PCSK7: variants seen among roughly 807,000 people sequenced by gnomAD.
PCSK7 encodes lymphoma proprotein convertase.
Under a neutral mutation model 73.3 loss-of-function variants are expected in PCSK7, and 38 were observed. That is an observed-to-expected ratio of 0.52 (90% confidence interval 0.40 to 0.68). The LOEUF (loss-of-function observed/expected upper bound fraction) is 0.68, where lower values mean the gene tolerates loss of function less well. PCSK7 is among the 30% of genes least tolerant of loss of function. PCSK7 has a pLI of 0.00. For missense variants in PCSK7, 692 were observed against 991.5 expected (o/e 0.70, Z 4.06); for synonymous variants, 296 against 383.8 (o/e 0.77, Z 2.68).
Position 117,219,072 on chromosome 11 carries a change from G to A in PCSK7, c.1416C>T (p.Leu472=), listed in dbSNP as rs376670991. The change falls in exon 11 of 17, where the codon CTC becomes CTT. Residue 472 remains leucine, a synonymous_variant. Transcript: ENST00000320934. ...ACCTGTTCACCTTGGCTGCATTCAC[G>A]AGCCTCCAGGCGTTGAGGAGGCCGA... ...HGFGLLNAWR[L]VNAAKIWTSV... is the part of the protein sequence containing the mutation. 39 of 1,608,190 alleles carry A rather than the reference G, an allele frequency of 2.4e-5. No homozygotes were observed. The African/African-American group carries it at 2.7e-4, about 11-fold the overall frequency.
At chr11:117,224,866 C>T (rs1565315891) in intron 6 of PCSK7, 111 bp from the exon 7 acceptor site, 1 of 783,336 alleles carries the variant, frequency 1.3e-6, no homozygotes. Context: ...CTTAACTCCT[C>T]CCAAGGGTTC....
At chr11:117,212,093 A>G (rs1173820346) in intron 12 of PCSK7, 1 of 152,194 alleles carries the variant, frequency 6.6e-6, no homozygotes, top group African/African-American at 2.4e-5. Flanking sequence ...TTAAAATAGT[A>G]TGCATGAATT....
At position 117,219,049 on chromosome 11, in the gene PCSK7, C is replaced by A. The variant is rs79764478; in HGVS notation, c.1431+8G>T. 1.3e-6 allele frequency: 2 copies of A among 1,598,026 alleles called. No homozygotes were observed. The highest frequency in any genetic ancestry group is 2.2e-5 in the East Asian group (1 of 44,736). ...ACAGGGCACCCTGCCCTGCCAACACCTGTTCACCTTGGCTGCATTCACGAG... is the reference window on the plus strand; with the variant it reads ...ACAGGGCACCCTGCCCTGCCAACACATGTTCACCTTGGCTGCATTCACGAG... On this transcript the variant is annotated splice_region_variant and intron_variant, in intron 11 of 16. Coordinates refer to ENST00000320934, the MANE Select transcript of PCSK7 (RefSeq NM_004716.4).
intron 12 of PCSK7, chr11:117,215,364 T>TTTTTGTGTGTGTGTGTGTGTGTG (rs57433360): frequency 1.2e-5 from 1 of 84,918 alleles, no homozygotes; most frequent in African/African-American, 7.5e-5. Flanking sequence ...CCTGGCTAAT[T>TTTTTGTGTGTGTGTGTGTGTGTG]TGTGTGTGTG....
intron 9 of PCSK7, chr11:117,220,008 C>T (rs2032131543): frequency 3.0e-6 from 1 of 333,640 alleles, no homozygotes; most frequent in East Asian, 5.6e-5. Flanking sequence ...GGGAAAGGTA[C>T]AGGGCTGGTC....
chr11:117,211,914 T>C (rs1249944114), intron 12 of PCSK7: 1 of 152,252 alleles, frequency 6.6e-6, no homozygotes, highest in East Asian at 1.9e-4. Flanking sequence ...AGACGAGGAT[T>C]AAACAGTTAA....
intron 6 of PCSK7, chr11:117,225,704 CA>C: frequency 1.8e-6 from 1 of 569,290 alleles, no homozygotes; most frequent in Non-Finnish European, 3.1e-6. Context: ...TAAATGTGCA[CA>C]GGCCAGGGCT....
rs143770986 is a variant in PCSK7 at position 117,218,526 on chromosome 11, C to G, written c.1474G>C (p.Val492Leu). The change falls in exon 12 of 17, where the codon GTG becomes CTG. Residue 492 changes from valine to leucine, a missense_variant. This residue lies in a region of PCSK7 where 574 missense variants were observed against 689.8 expected (regional missense o/e 0.83). Coordinates refer to ENST00000320934, the MANE Select transcript of PCSK7 (RefSeq NM_004716.4). The surrounding 1 kb of genome is among the most constrained non-coding windows in gnomAD (Gnocchi z 4.0). ...VPYLASYVSP[V>L]LKENKAIPQS... ...GGAATCGCCTTGTTTTCTTTTAACA[C>G]GGGACTGACGTAGGATGCTAAGTAA... 1 of 1,610,142 alleles carries G rather than the reference C, an allele frequency of 6.2e-7. No individual in the cohort carries two copies. Among genetic ancestry groups the G allele is most frequent in the Non-Finnish European group, 8.5e-7 (1 of 1,178,062 alleles).
rs563384858 is a variant in PCSK7, at chr11:117,228,340, C to T, written c.479G>A (p.Arg160Gln). The T allele has an allele frequency of 1.1e-5, 17 of 1,613,994 alleles. No individual in the cohort carries two copies. In the African/African-American group the frequency reaches 1.3e-4, roughly 13 times the overall value. The change falls in exon 4 of 17, where the codon CGG (arginine) becomes CAG (glutamine). Residue 160 changes from arginine to glutamine, a missense_variant. Arg to Gln is a conservative substitution (Grantham distance 43). Around this residue, in one of 6 missense-constraint regions of PCSK7, gnomAD observed 574 missense variants for 689.8 expected, o/e 0.83. Coordinates refer to ENST00000320934, the MANE Select transcript of PCSK7 (RefSeq NM_004716.4). ...CACGTTGATGTCCCTGCCCGGGCTC[C>T]GTCGGTTATTCTGTAAGAGAGACAG... ...YPQQWHLNNR[R>Q]SPGRDINVTG...
chr11:117,216,963 C>T (rs1422977475), intron 12 of PCSK7: 1 of 152,148 alleles, frequency 6.6e-6, no homozygotes. Flanking sequence ...AACAAAAAAT[C>T]CCCCAAGGAG....
At chr11:117,226,250 C>T (rs1327957496) in intron 5 of PCSK7, 5 of 533,202 alleles carry the variant, frequency 9.4e-6, no homozygotes. Context: ...GATTGTCTTG[C>T]CTCAGCCTCG....
chr11:117,211,733 A>G (rs2031737067), intron 12 of PCSK7: 1 of 152,200 alleles, frequency 6.6e-6, no homozygotes, highest in Non-Finnish European at 1.5e-5. Context: ...AAACAAAAAC[A>G]AATAAACCCT....
intron 5 of PCSK7, 48 bp from the exon 6 acceptor site, chr11:117,226,069 G>A (rs2032413922): frequency 9.4e-7 from 1 of 1,063,566 alleles, no homozygotes; most frequent in East Asian, 2.4e-5. Context: ...TGGTCTCCTA[G>A]CCGGGGAACT....
At position 117,218,775 on chromosome 11, in the gene PCSK7, A is replaced by C; in HGVS notation, c.1432-207T>G. On this transcript the variant is annotated intron_variant, in intron 11 of 16. Coordinates refer to ENST00000320934, the MANE Select transcript of PCSK7 (RefSeq NM_004716.4). This position sits in a 1 kb window ranked among gnomAD's most constrained non-coding sequence, Gnocchi z 4.0. Reference sequence around the variant, plus strand: ...CCCCAGCTAAGGAACCAGAGGAAACAGCTGTGTCCAGGGTGGAGGAGGGGA... The same window carrying C: ...CCCCAGCTAAGGAACCAGAGGAAACCGCTGTGTCCAGGGTGGAGGAGGGGA... 3 of 567,244 alleles carry C rather than the reference A, an allele frequency of 5.3e-6. No individual in the cohort carries two copies. Among genetic ancestry groups the C allele is most frequent in the Non-Finnish European group, 9.4e-6 (3 of 318,188 alleles). 35.1% of individuals were successfully genotyped at this position (567,244 alleles called of 1,614,324 possible).
intron 12 of PCSK7, chr11:117,209,428 A>G (rs1218338392): frequency 4.6e-6 from 1 of 219,086 alleles, no homozygotes; most frequent in East Asian, 1.2e-4. Context: ...GTGGAAAATG[A>G]TATGGTATGG....
Position 117,204,625 on chromosome 11 carries a change from C to G in PCSK7, c.*1372G>C. 2 of 557,774 alleles carry G rather than the reference C, an allele frequency of 3.6e-6. No individual in the cohort carries two copies. The highest frequency in any genetic ancestry group is 6.6e-6 in the Non-Finnish European group (2 of 301,640). The allele number at this position is 557,774 out of a possible 1,614,324, so 34.6% of individuals were successfully genotyped here. ...TCTACTGTCTCCTCCCTGGGCTAAG[C>G]AGGGGAGAAGCGGGCTGGGGGTAGC... On this transcript the variant is annotated 3_prime_UTR_variant, in exon 17 of 17. Transcript: ENST00000320934.
In PCSK7 at chr11:117,204,362, C is replaced by A. The variant is rs765543678; in HGVS notation, c.*1635G>T. On this transcript the variant is annotated 3_prime_UTR_variant, in exon 17 of 17. Transcript: ENST00000320934. ...GACCTCGGCAGATCATCAGTTAGAG[C>A]GGAGAGGGCTAGCCCTGAGCCCGGC... is the stretch of plus-strand genomic sequence containing the variant. 1 of 1,614,216 alleles carries A rather than the reference C, an allele frequency of 6.2e-7. No homozygotes were observed. Among genetic ancestry groups the A allele is most frequent in the South Asian group, 1.1e-5 (1 of 91,078 alleles).
Position 117,218,587 on chromosome 11 carries a change from G to A in PCSK7, c.1432-19C>T, listed in dbSNP as rs758704834. ...TCCAGATCTATGAAAGGAAAGGAGG[G>A]GATGGCAAATCAACAAACAAGAATG... On this transcript the variant is annotated intron_variant, in intron 11 of 16. Coordinates refer to ENST00000320934, the MANE Select transcript of PCSK7 (RefSeq NM_004716.4). This position sits in a 1 kb window ranked among gnomAD's most constrained non-coding sequence, Gnocchi z 4.0. 2 of 1,383,810 alleles carry A rather than the reference G, an allele frequency of 1.4e-6. No homozygotes were observed. The highest frequency in any genetic ancestry group is 1.2e-5 in the South Asian group (1 of 81,652). 85.7% of individuals were successfully genotyped at this position (1,383,810 alleles called of 1,614,324 possible). A position where few individuals can be genotyped will look rare whatever the true frequency, so the allele number is the denominator to read the frequency against.
intron 12 of PCSK7, chr11:117,212,795 C>A (rs2031793962): frequency 6.6e-6 from 1 of 151,414 alleles, no homozygotes. Flanking sequence ...CTCACTGCAA[C>A]CTCCGCCTCC....
Sources: gnomAD v4.1 joint callset for allele counts on GRCh38, gnomAD v4.1.1 for gene constraint, gnomAD v4.1.1 regional missense constraint, Gnocchi (gnomAD v3.1) non-coding constraint, MANE v1.5 for transcripts, NCBI Gene and HGNC (gene_info 2026-07-23, HGNC 2026-07-21) for gene names.